Variants in SNTG1 observed in about 807,000 individuals in gnomAD.
SNTG1 encodes the protein gamma-1-syntrophin.
A neutral mutation model predicts 74.7 loss-of-function variants in SNTG1; 39 were observed. That is an observed-to-expected ratio of 0.52 (90% CI 0.40 to 0.68). The LOEUF (loss-of-function observed/expected upper bound fraction) is 0.68, where lower values mean the gene tolerates loss of function less well. Ranked by LOEUF, SNTG1 falls within the 30% of genes least tolerant of loss-of-function variation. The probability of loss-of-function intolerance (pLI) is 0.00; values close to 1 mark genes in which losing one functional copy is unlikely to be tolerated. For missense variants in SNTG1, 685 were observed against 609.5 expected, an observed-to-expected ratio of 1.12 and a Z score of -1.30; for synonymous variants, 254 against 217.1, an observed-to-expected ratio of 1.17 and a Z score of -1.49.
intron 2 of SNTG1, among the ~76,000 whole-genome samples, chr8:50,177,549 G>C (rs1654797678): frequency 6.6e-6 from 1 of 152,152 alleles, no homozygotes; most frequent in Admixed American, 6.5e-5. Flanking sequence ...CAGAGACCCT[G>C]GTTTGCTCAG....
At chr8:50,371,836 G>T (rs78785955) in intron 2 of SNTG1, among the ~76,000 whole-genome samples, 7,489 of 152,048 alleles carry the variant, frequency 0.049, 249 homozygotes, top group Non-Finnish European at 0.071. Context: ...AATCAATTTT[G>T]TGTAAGTATA....
At chr8:50,666,458 TAC>T (rs561498704) in intron 15 of SNTG1, among the ~76,000 whole-genome samples, 52 of 152,220 alleles carry the variant, frequency 3.4e-4, no homozygotes, top group Non-Finnish European at 6.2e-4. Context: ...TTGTAGAAGG[TAC>T]ACACACACTG....
chr8:50,649,152 C>A (rs12548236), intron 13 of SNTG1, among the ~76,000 whole-genome samples: 2 of 151,964 alleles, frequency 1.3e-5, no homozygotes, highest in Non-Finnish European at 2.9e-5. Flanking sequence ...TTTTCCACAT[C>A]GGCACATAGT....
chr8:50,398,941 A>C (rs1467178973), intron 3 of SNTG1, among the ~76,000 whole-genome samples: 1 of 152,240 alleles, frequency 6.6e-6, no homozygotes, highest in East Asian at 1.9e-4. Context: ...CAAGAAAAAA[A>C]TAAAATAACA....
At chr8:50,544,472 T>A (rs2094371574) in intron 11 of SNTG1, among the ~76,000 whole-genome samples, 1 of 152,070 alleles carries the variant, frequency 6.6e-6, no homozygotes, top group African/African-American at 2.4e-5. Context: ...CTGTTAATAT[T>A]TCTATTAAGA....
chr8:50,611,504 A>G (rs1228099378), intron 13 of SNTG1, among the ~76,000 whole-genome samples: 1 of 152,148 alleles, frequency 6.6e-6, no homozygotes, highest in South Asian at 2.1e-4. Context: ...TTTGCTGGAA[A>G]TTTTTATTCA....
chr8:50,273,064 T>C (rs1407711341), intron 2 of SNTG1, among the ~76,000 whole-genome samples: 3 of 152,164 alleles, frequency 2.0e-5, no homozygotes, highest in Non-Finnish European at 2.9e-5. Flanking sequence ...TCAAATTTTT[T>C]ATAATTACAA....
intron 15 of SNTG1, among the ~76,000 whole-genome samples, chr8:50,702,917 G>A (rs768702331): frequency 4.6e-5 from 7 of 151,992 alleles, no homozygotes; most frequent in Non-Finnish European, 1.5e-5. Flanking sequence ...TAAAGTAAAA[G>A]TACAGTCTAA....
At chr8:50,065,926 C>T (rs1052486282) in intron 1 of SNTG1, among the ~76,000 whole-genome samples, 2 of 152,100 alleles carry the variant, frequency 1.3e-5, no homozygotes, top group East Asian at 1.9e-4. Flanking sequence ...TTAAAATAAA[C>T]CCCACATCAG....
chr8:50,600,136 ATC>A (rs2094761863), intron 13 of SNTG1, among the ~76,000 whole-genome samples: 1 of 152,102 alleles, frequency 6.6e-6, no homozygotes, highest in Non-Finnish European at 1.5e-5. Flanking sequence ...CCATTGTTGA[ATC>A]TCTGTGATAA....
At chr8:50,000,861 A>G (rs955186115) in intron 1 of SNTG1, among the ~76,000 whole-genome samples, 2 of 152,208 alleles carry the variant, frequency 1.3e-5, no homozygotes, top group Non-Finnish European at 2.9e-5. Flanking sequence ...TTTTAGGAGA[A>G]CAAGTGAAAC....
chr8:50,518,154 A>G (rs144186152), intron 9 of SNTG1, among the ~76,000 whole-genome samples: 7,904 of 152,254 alleles, frequency 0.052, 324 homozygotes, highest in South Asian at 0.18. Flanking sequence ...TAAGAAACTC[A>G]CTCAAAACCA....
At chr8:50,252,008 G>A (rs2086667295) in intron 2 of SNTG1, among the ~76,000 whole-genome samples, 2 of 151,984 alleles carry the variant, frequency 1.3e-5, no homozygotes, top group South Asian at 4.1e-4. Flanking sequence ...ATAATATCAA[G>A]TATCTTTTAT....
chr8:50,191,418 A>C (rs1429284842), intron 2 of SNTG1, among the ~76,000 whole-genome samples: 1 of 152,170 alleles, frequency 6.6e-6, no homozygotes, highest in African/African-American at 2.4e-5. Flanking sequence ...CAGGTGAATC[A>C]GTAAGTAGTG....
chr8:50,474,330 A>G (rs541568492), intron 8 of SNTG1, among the ~76,000 whole-genome samples: 1 of 152,038 alleles, frequency 6.6e-6, no homozygotes, highest in South Asian at 2.1e-4. Flanking sequence ...TACTCATCTG[A>G]CAAAGGGCTA....
chr8:50,454,050 T>G (rs1257368636), intron 8 of SNTG1, among the ~76,000 whole-genome samples: 2 of 152,204 alleles, frequency 1.3e-5, no homozygotes, highest in Non-Finnish European at 2.9e-5. Flanking sequence ...CCAAAGCCCA[T>G]CAAGGAAAAT....
At chr8:50,603,098 C>CT (rs1053073195) in intron 13 of SNTG1, among the ~76,000 whole-genome samples, 1 of 152,100 alleles carries the variant, frequency 6.6e-6, no homozygotes, top group African/African-American at 2.4e-5. Flanking sequence ...TTTGAATAAA[C>CT]TTTCCACTCT....
chr8:50,463,799 T>C (rs2093587321), intron 8 of SNTG1, among the ~76,000 whole-genome samples: 1 of 152,316 alleles, frequency 6.6e-6, no homozygotes, highest in East Asian at 1.9e-4. Context: ...TTTGAAGCAT[T>C]GAAAACAGAC....
intron 2 of SNTG1, among the ~76,000 whole-genome samples, chr8:50,311,655 C>A (rs940911479): frequency 6.6e-6 from 1 of 152,120 alleles, no homozygotes. Context: ...AAATTGTTAT[C>A]CACTACAACT....
Sources: allele counts gnomAD v4.1 joint callset (sites outside exome capture counted in the v4.1 genomes callset), GRCh38; gene constraint gnomAD v4.1.1; transcripts MANE v1.5; gene names NCBI Gene and HGNC (gene_info 2026-07-23, HGNC 2026-07-21).